The following SLC15A4 variants were observed in gnomAD, a reference collection of about 807,000 sequenced individuals.
SLC15A4 encodes the protein solute carrier family 15 member 4, also known as hPHT1.
In SLC15A4, 26 loss-of-function variants were observed where a neutral mutation model predicts 46.1. That is an observed-to-expected ratio of 0.56 (90% CI 0.41 to 0.78). SLC15A4 has a LOEUF of 0.78. Among genes scored for constraint, SLC15A4 ranks in the 30% least tolerant of loss-of-function variants. The pLI, the probability that SLC15A4 is intolerant of heterozygous loss-of-function variation, is 0.00. For synonymous variants in SLC15A4, 370 were observed against 333.4 expected (o/e 1.11, Z -1.20); for missense variants, 751 against 755.7 (o/e 0.99, Z 0.07).
In SLC15A4 at chr12:128,799,393, G is replaced by T. The variant is rs751696818; in HGVS notation, c.1439C>A (p.Ala480Asp). Residue 480 changes from alanine (A) to aspartate (D), a missense_variant, in exon 7 of 8, where the codon GCC becomes GAC. Coordinates refer to ENST00000266771, the MANE Select transcript of SLC15A4 (RefSeq NM_145648.4). ...IAGLEFAYSA[A>D]PKSMQSAIMG... ...TATGGCACTCTGCATGGACTTGGGGGCAGCTGAGTATGCAAATTCCAGGCC... is the reference window on the plus strand; with the variant it reads ...TATGGCACTCTGCATGGACTTGGGGTCAGCTGAGTATGCAAATTCCAGGCC... 1.2e-6 allele frequency: 2 copies of T among 1,614,162 alleles called. No homozygotes were observed. The highest frequency in any genetic ancestry group is 2.2e-5 in the South Asian group (2 of 91,070).
At chr12:128,811,162 G>A (rs550447449) in intron 2 of SLC15A4, among the ~76,000 whole-genome samples, 1 of 152,268 alleles carries the variant, frequency 6.6e-6, no homozygotes, top group Non-Finnish European at 1.5e-5. Context: ...GGATCTCAGG[G>A]GTAAAATGGG....
At chr12:128,803,267 T>A (rs1370418596) in intron 5 of SLC15A4, among the ~76,000 whole-genome samples, 31 of 152,208 alleles carry the variant, frequency 2.0e-4, no homozygotes, top group Non-Finnish European at 3.8e-4. Context: ...CAGGCCAGGA[T>A]GTATCAGACA....
At chr12:128,818,290 G>T (rs188373607) in intron 1 of SLC15A4, among the ~76,000 whole-genome samples, 3 of 152,266 alleles carry the variant, frequency 2.0e-5, no homozygotes, top group Non-Finnish European at 4.4e-5. Context: ...AGCCAACTAG[G>T]CCTCCTTCTC....
rs1486606801 is a variant in SLC15A4 at position 128,823,506 on chromosome 12, G to A, written c.438C>T (p.Pro146=). 7 of 1,483,984 alleles carry A rather than the reference G, an allele frequency of 4.7e-6. No individual in the cohort carries two copies. The highest frequency in any genetic ancestry group is 6.2e-6 in the Non-Finnish European group (7 of 1,124,292). The allele number at this position is 1,483,984 out of a possible 1,614,324, so 91.9% of individuals were successfully genotyped here. The change falls in exon 1 of 8, where the codon CCC becomes CCT. Residue 146 remains proline, a synonymous_variant. Transcript: ENST00000266771. ...GTGAGCAGCAGCGGGCGGCGGCGTC[G>A]GGACCAGGCGCCGTGCAGTTGAGCA... is the stretch of plus-strand genomic sequence containing the variant. ...ARLLNCTAPG[P]DAAARCCSPA...
In SLC15A4 at chr12:128,809,166, A is replaced by G. The variant is rs933907681; in HGVS notation, c.1090-210T>C. 18 of 607,438 alleles carry G rather than the reference A, an allele frequency of 3.0e-5. 1 individual carries two copies. In the East Asian group the frequency reaches 4.9e-4, roughly 17 times the overall value. The allele number at this position is 607,438 out of a possible 1,614,324, so 37.6% of individuals were successfully genotyped here. A position where few individuals can be genotyped will look rare whatever the true frequency, so the allele number is the denominator to read the frequency against. ...TTTTCTGTGTTTTGAGGGGAAAATA[A>G]TCAGGTGAAAAATACTAAGTAATGT... On this transcript the variant is annotated intron_variant, in intron 4 of 7. Transcript: ENST00000266771.
intron 5 of SLC15A4, among the ~76,000 whole-genome samples, chr12:128,804,823 G>C (rs1593007316): frequency 6.6e-6 from 1 of 152,326 alleles, no homozygotes; most frequent in Middle Eastern, 3.4e-3. Flanking sequence ...CTTGAGAACA[G>C]AAAGATAATT....
intron 1 of SLC15A4, chr12:128,815,594 G>A (rs1340827914): frequency 6.2e-6 from 1 of 160,360 alleles, no homozygotes; most frequent in Non-Finnish European, 1.4e-5. Context: ...GCTGAGGCAG[G>A]AGAATCGCTT....
rs543393712 is a variant in SLC15A4, at chr12:128,807,751, G to C, written c.1258+1037C>G. On this transcript the variant is annotated intron_variant, in intron 5 of 7. Coordinates refer to ENST00000266771, the MANE Select transcript of SLC15A4 (RefSeq NM_145648.4). Reference sequence around the variant, plus strand: ...GGAAGAGAAGCTGAATTATAAAGAAGGCACAGCAAAAACTTCATTCAGACA... The same window carrying C: ...GGAAGAGAAGCTGAATTATAAAGAACGCACAGCAAAAACTTCATTCAGACA... 7.2e-5 allele frequency among the ~76,000 whole-genome samples: 11 copies of C among 152,282 alleles called. No individual in the cohort carries two copies. The South Asian group carries it at 2.3e-3, about 32-fold the overall frequency.
chr12:128,810,532 A>G (rs1955643561), intron 2 of SLC15A4, among the ~76,000 whole-genome samples: 2 of 152,200 alleles, frequency 1.3e-5, no homozygotes. Context: ...GATTGTGTGA[A>G]TTTTTAATCA....
At chr12:128,820,385 A>G (rs776609037) in intron 1 of SLC15A4, among the ~76,000 whole-genome samples, 1 of 152,234 alleles carries the variant, frequency 6.6e-6, no homozygotes, top group Non-Finnish European at 1.5e-5. Flanking sequence ...TGTGAGGTTC[A>G]GATTTCGTCA....
At chr12:128,821,884 C>CAAA (rs10579523) in intron 1 of SLC15A4, among the ~76,000 whole-genome samples, 1 of 132,980 alleles carries the variant, frequency 7.5e-6, no homozygotes, top group African/African-American at 2.9e-5. Context: ...GACTCCGCCT[C>CAAA]AAAAAAAAAA....
chr12:128,818,821 G>C (rs1182365306), intron 1 of SLC15A4, among the ~76,000 whole-genome samples: 1 of 152,114 alleles, frequency 6.6e-6, no homozygotes, highest in Non-Finnish European at 1.5e-5. Context: ...AGTCTCTGTG[G>C]ACTCGCCTCT....
chr12:128,810,986 G>A (rs1422198489), intron 2 of SLC15A4, among the ~76,000 whole-genome samples: 3 of 152,168 alleles, frequency 2.0e-5, no homozygotes, highest in Non-Finnish European at 4.4e-5. Context: ...CCTCACATCT[G>A]CCGGTCACAG....
intron 7 of SLC15A4, among the ~76,000 whole-genome samples, chr12:128,796,196 G>A (rs915781165): frequency 1.3e-5 from 2 of 152,042 alleles, no homozygotes; most frequent in African/African-American, 4.8e-5. Flanking sequence ...AGGCCAAGGT[G>A]GGTGATCAAC....
intron 7 of SLC15A4, among the ~76,000 whole-genome samples, chr12:128,799,042 G>A (rs548684983): frequency 1.3e-5 from 2 of 152,290 alleles, no homozygotes; most frequent in South Asian, 4.1e-4. Flanking sequence ...CCCCTGGGAT[G>A]AGAAGAGAGG....
intron 5 of SLC15A4, 55 bp from the exon 6 acceptor site, chr12:128,801,064 T>C: frequency 6.7e-7 from 1 of 1,495,738 alleles, no homozygotes; most frequent in African/African-American, 1.4e-5. Context: ...TTACAGTTAA[T>C]CTAAAAATCT....
In SLC15A4 at chr12:128,817,248, T is replaced by G. The variant is rs565837769; in HGVS notation, c.547-2178A>C. ...AGAACTTCACAGACATCTAAGACAC[T>G]TCTTCACTAGGACACAATGCATTTA... On this transcript the variant is annotated intron_variant, in intron 1 of 7. Coordinates refer to ENST00000266771, the MANE Select transcript of SLC15A4 (RefSeq NM_145648.4). 2.0e-5 allele frequency among the ~76,000 whole-genome samples: 3 copies of G among 152,342 alleles called. No individual in the cohort carries two copies. The East Asian group carries it at 5.8e-4, about 29-fold the overall frequency.
rs1480344930 is a variant in SLC15A4, at chr12:128,794,289, G to T, written c.1641C>A (p.Leu547=). 6.2e-7 allele frequency: 1 copy of T among 1,614,028 alleles called. No homozygotes were observed. The highest frequency in any genetic ancestry group is 8.5e-7 in the Non-Finnish European group (1 of 1,179,910). ...TCACAGAAATAATGAGGAAAAGCAG[G>T]AGGGTAGCTCCTTGAATAGCAGCCA... ...FLLAAIQGAT[L]LLFLIISVKY... The change falls in exon 8 of 8, where the codon CTC becomes CTA. Residue 547 remains leucine, a synonymous_variant. Coordinates refer to ENST00000266771, the MANE Select transcript of SLC15A4 (RefSeq NM_145648.4).
At chr12:128,803,330 G>GA (rs1216852889) in intron 5 of SLC15A4, among the ~76,000 whole-genome samples, 1 of 152,136 alleles carries the variant, frequency 6.6e-6, no homozygotes, top group Non-Finnish European at 1.5e-5. Flanking sequence ...GAGAGAAAAA[G>GA]AATCAAAAAC....
Sources: gnomAD v4.1 joint callset for allele counts (sites outside exome capture counted in the v4.1 genomes callset) on GRCh38, gnomAD v4.1.1 for gene constraint, MANE v1.5 for transcripts, NCBI Gene and HGNC (gene_info 2026-07-23, HGNC 2026-07-21) for gene names.